Variants in OXSR1 observed in about 807,000 individuals in gnomAD.
OXSR1 encodes the protein serine/threonine-protein kinase OSR1.
A neutral mutation model predicts 79.8 loss-of-function variants in OXSR1; 24 were observed. The observed-to-expected ratio is 0.30, with a 90% confidence interval of 0.22 to 0.42. OXSR1 has a LOEUF of 0.42. Ranked by LOEUF, OXSR1 falls within the 10% of genes least tolerant of loss-of-function variation. OXSR1 has a pLI of 1.00. For missense variants in OXSR1, 430 were observed against 618.4 expected, an observed-to-expected ratio of 0.70 and a Z score of 3.23; for synonymous variants, 226 against 209.2, an observed-to-expected ratio of 1.08 and a Z score of -0.69.
rs148086016 is a variant in OXSR1, at chr3:38,203,998, A to T, written c.434+5135A>T. 2.4e-4 allele frequency among the ~76,000 whole-genome samples: 36 copies of T among 151,862 alleles called. No homozygotes were observed. In the East Asian group the frequency reaches 4.1e-3, roughly 17 times the overall value. On this transcript the variant is annotated intron_variant, in intron 4 of 17. Transcript: ENST00000311806. ...AGGGCCTGGAGTCGGAAACCTTAGGAATCTACCTGGTCCTCTAGTCTACTG... is the reference window on the plus strand; with the variant it reads ...AGGGCCTGGAGTCGGAAACCTTAGGTATCTACCTGGTCCTCTAGTCTACTG...
At chr3:38,207,827 G>GT (rs1010492322) in intron 4 of OXSR1, among the ~76,000 whole-genome samples, 2 of 151,928 alleles carry the variant, frequency 1.3e-5, no homozygotes, top group Non-Finnish European at 2.9e-5. Context: ...GGATGGTCAT[G>GT]TCCCCAGTAA....
intron 8 of OXSR1, among the ~76,000 whole-genome samples, chr3:38,226,923 G>C (rs1702700842): frequency 6.6e-6 from 1 of 151,952 alleles, no homozygotes; most frequent in Admixed American, 6.6e-5. Context: ...TACCAGTGTT[G>C]ATATTTTAGT....
intron 1 of OXSR1, among the ~76,000 whole-genome samples, chr3:38,168,762 C>A (rs940650616): frequency 2.6e-5 from 4 of 152,166 alleles, no homozygotes; most frequent in Non-Finnish European, 5.9e-5. Context: ...TAAATGTAAT[C>A]ATATAATATG....
intron 4 of OXSR1, among the ~76,000 whole-genome samples, chr3:38,205,860 G>A (rs1442883878): frequency 6.6e-6 from 1 of 152,152 alleles, no homozygotes; most frequent in Non-Finnish European, 1.5e-5. Context: ...AGCATAAAAG[G>A]TTTCTCAGGT....
intron 2 of OXSR1, among the ~76,000 whole-genome samples, chr3:38,187,084 G>A (rs1052859056): frequency 6.6e-6 from 1 of 152,176 alleles, no homozygotes; most frequent in African/African-American, 2.4e-5. Context: ...TAGTTGGTAG[G>A]CTTTGCTGTG....
intron 4 of OXSR1, among the ~76,000 whole-genome samples, chr3:38,204,184 A>G (rs561769486): frequency 1.3e-5 from 2 of 151,944 alleles, no homozygotes; most frequent in Admixed American, 1.3e-4. Flanking sequence ...AGGGCTCTTC[A>G]GTCAGCTTGG....
Position 38,251,002 on chromosome 3 carries a change from A to C in OXSR1, c.1376-401A>C, listed in dbSNP as rs1007359709. 4.6e-5 allele frequency among the ~76,000 whole-genome samples: 7 copies of C among 152,346 alleles called. No individual in the cohort carries two copies. In the East Asian group the frequency reaches 7.7e-4, roughly 17 times the overall value. ...GATAAGAAGAAAAGCCCACCAGAATAAAAAAGTAAATGATTTTAGCAAAAA... is the reference window on the plus strand; with the variant it reads ...GATAAGAAGAAAAGCCCACCAGAATCAAAAAGTAAATGATTTTAGCAAAAA... On this transcript the variant is annotated intron_variant, in intron 15 of 17. Transcript: ENST00000311806.
intron 8 of OXSR1, among the ~76,000 whole-genome samples, chr3:38,229,228 A>C (rs1277137615): frequency 2.6e-5 from 4 of 152,140 alleles, no homozygotes; most frequent in Non-Finnish European, 5.9e-5. Context: ...CCTAAATTGA[A>C]GGCTGGCAGG....
chr3:38,239,022 C>G (rs926474632), intron 11 of OXSR1, among the ~76,000 whole-genome samples: 2 of 151,920 alleles, frequency 1.3e-5, no homozygotes, highest in Non-Finnish European at 2.9e-5. Flanking sequence ...TGGTAGCTTT[C>G]AAGTTTATTT....
At chr3:38,199,591 A>G (rs567748422) in intron 4 of OXSR1, among the ~76,000 whole-genome samples, 2 of 152,284 alleles carry the variant, frequency 1.3e-5, no homozygotes, top group Admixed American at 6.5e-5. Context: ...TAAATAATCT[A>G]TCTTAGTAGT....
chr3:38,213,804 C>G (rs899797391), intron 4 of OXSR1, among the ~76,000 whole-genome samples: 3 of 152,058 alleles, frequency 2.0e-5, no homozygotes, highest in African/African-American at 7.2e-5. Flanking sequence ...CTTGTGACTC[C>G]TTTGAGAGAT....
chr3:38,204,239 C>T (rs1702225200), intron 4 of OXSR1, among the ~76,000 whole-genome samples: 1 of 152,138 alleles, frequency 6.6e-6, no homozygotes, highest in African/African-American at 2.4e-5. Context: ...GGGCAGCTGG[C>T]TGTCCTCTGG....
At chr3:38,207,326 C>A (rs1319574417) in intron 4 of OXSR1, among the ~76,000 whole-genome samples, 1 of 152,194 alleles carries the variant, frequency 6.6e-6, no homozygotes, top group Non-Finnish European at 1.5e-5. Flanking sequence ...TAAATGACAT[C>A]AGTCCAGTAT....
At chr3:38,202,326 CAAAG>C (rs766768034) in intron 4 of OXSR1, among the ~76,000 whole-genome samples, 92 of 152,084 alleles carry the variant, frequency 6.0e-4, no homozygotes, top group Non-Finnish European at 1.1e-3. Flanking sequence ...TAATGAACAA[CAAAG>C]AGAGAGAGAA....
rs530439673 is a variant in OXSR1 at position 38,165,541 on chromosome 3, C to A, written c.-336C>A. ...TGGAGGAAGAGGGGAAAGTTTGGCC[C>A]GTGCGTGGGGCTGGGGTGGAGGGCG... On this transcript the variant is annotated 5_prime_UTR_variant, in exon 1 of 18. Coordinates refer to ENST00000311806, the MANE Select transcript of OXSR1 (RefSeq NM_005109.3). 34 of 293,816 alleles carry A rather than the reference C, an allele frequency of 1.2e-4. No homozygotes were observed. Among genetic ancestry groups the A allele is most frequent in the African/African-American group, 7.2e-4 (32 of 44,656 alleles). 18.2% of individuals were successfully genotyped at this position (293,816 alleles called of 1,614,324 possible).
intron 2 of OXSR1, among the ~76,000 whole-genome samples, chr3:38,185,251 A>G (rs1482026326): frequency 6.6e-6 from 1 of 152,194 alleles, no homozygotes; most frequent in Non-Finnish European, 1.5e-5. Flanking sequence ...CAACACCAAC[A>G]TGGATAAATC....
At chr3:38,165,528 G>A (rs1701423190), upstream of OXSR1, 1 of 291,460 alleles carries the variant, frequency 3.4e-6, no homozygotes, top group Non-Finnish European at 6.4e-6. Context: ...GAGGAAGAGG[G>A]GAAAGTTTGG....
intron 4 of OXSR1, among the ~76,000 whole-genome samples, chr3:38,211,503 A>C (rs1458489554): frequency 6.6e-6 from 1 of 152,178 alleles, no homozygotes; most frequent in African/African-American, 2.4e-5. Context: ...ATTTGTTGTA[A>C]AGACAATTAG....
rs77097053 is a variant in OXSR1, at chr3:38,214,526, C to T, written c.435-1570C>T. Among the ~76,000 whole-genome samples the T allele has an allele frequency of 1.4e-4, 22 of 152,238 alleles. No homozygotes were observed. In the East Asian group the frequency reaches 3.9e-3, roughly 27 times the overall value. ...TCCCTCATTGGGTTTTAGGTGAGCT[C>T]AGAAAAGGGAGTTGGAAGTTAGTGG... On this transcript the variant is annotated intron_variant, in intron 4 of 17. Transcript: ENST00000311806.
Sources: allele counts gnomAD v4.1 joint callset (sites outside exome capture counted in the v4.1 genomes callset), GRCh38; gene constraint gnomAD v4.1.1; transcripts MANE v1.5; gene names NCBI Gene and HGNC (gene_info 2026-07-23, HGNC 2026-07-21).